Variants in TSC1 observed in about 807,000 individuals in gnomAD.
TSC1 encodes TSC complex subunit 1, also known as hamartin.
Under a neutral mutation model 124.3 loss-of-function variants are expected in TSC1, and 20 were observed. That is an observed-to-expected ratio of 0.16 (90% CI 0.11 to 0.23). The LOEUF (loss-of-function observed/expected upper bound fraction) is 0.23. TSC1 is among the 10% of genes least tolerant of loss of function. TSC1 has a pLI of 1.00. For missense variants in TSC1, 1,124 were observed against 1,448.5 expected (o/e 0.78, Z 3.64); for synonymous variants, 493 against 539.1 (o/e 0.91, Z 1.19).
At position 132,914,009 on chromosome 9, in the gene TSC1, C is replaced by T. The variant is rs947094876; in HGVS notation, c.738-1552G>A. Among the ~76,000 whole-genome samples, 13 of 147,378 alleles carry T rather than the reference C, an allele frequency of 8.8e-5. No individual in the cohort carries two copies. The Admixed American group carries it at 8.9e-4, about 10-fold the overall frequency. ...CACCTTCTGGATTCAAGCAATTCTC[C>T]TGCCTCAGTCTCCCGAGTAGCTGGG... On this transcript the variant is annotated intron_variant, in intron 8 of 22. Transcript: ENST00000298552.
At chr9:132,911,986 C>T (rs986690233) in intron 9 of TSC1, among the ~76,000 whole-genome samples, 2 of 152,198 alleles carry the variant, frequency 1.3e-5, no homozygotes, top group African/African-American at 2.4e-5. Flanking sequence ...GAAAGATTCC[C>T]TTATGAGGTA....
At chr9:132,942,329 G>A (rs979653615) in intron 1 of TSC1, 1 of 152,176 alleles carries the variant, frequency 6.6e-6, no homozygotes, top group Non-Finnish European at 1.5e-5. Flanking sequence ...CAAGGTGTCC[G>A]AATATGTAGG....
Position 132,906,434 on chromosome 9 carries a change from A to G in TSC1, c.1439-295T>C, listed in dbSNP as rs1324751423. The G allele has an allele frequency of 5.6e-6, 3 of 532,096 alleles. No homozygotes were observed. Among genetic ancestry groups the G allele is most frequent in the Admixed American group, 6.3e-5 (2 of 31,898 alleles). 33.0% of individuals were successfully genotyped at this position (532,096 alleles called of 1,614,324 possible). A position where few individuals can be genotyped will look rare whatever the true frequency, so the allele number is the denominator to read the frequency against. On this transcript the variant is annotated intron_variant, in intron 14 of 22. Coordinates refer to ENST00000298552, the MANE Select transcript of TSC1 (RefSeq NM_000368.5). The surrounding 1 kb of genome is among the most constrained non-coding windows in gnomAD (Gnocchi z 4.1). ...CATCGTGGTGTATGCCTGTGGTCCC[A>G]GCTACTCAGGAGGCTGAGGTGGGCG...
chr9:132,901,374 G>GC (rs1845363086), intron 19 of TSC1, among the ~76,000 whole-genome samples: 1 of 152,210 alleles, frequency 6.6e-6, no homozygotes, highest in South Asian at 2.1e-4. Flanking sequence ...CAGCACCCTG[G>GC]CTCCTACCCA....
chr9:132,934,971 C>T (rs760938320), intron 2 of TSC1, 62 bp downstream of exon 2: 47 of 398,826 alleles, frequency 1.2e-4, no homozygotes, highest in Middle Eastern at 6.2e-4. Context: ...CCTGAATGCA[C>T]GACCATGGGC....
At chr9:132,916,879 C>T (rs1001654421) in intron 8 of TSC1, among the ~76,000 whole-genome samples, 1 of 152,162 alleles carries the variant, frequency 6.6e-6, no homozygotes, top group Non-Finnish European at 1.5e-5. Context: ...CGGTCATGAT[C>T]AGGCCCCAGT....
rs1317249774 is a variant in TSC1, at chr9:132,902,523, C to T, written c.2391+82G>A. On this transcript the variant is annotated intron_variant, in intron 18 of 22. Transcript: ENST00000298552. This position sits in a 1 kb window ranked among gnomAD's most constrained non-coding sequence, Gnocchi z 5.2. ...TTAGTAAAGCTGAACAAGTCAAGGA[C>T]ACCCAGGGAAACTGACTGCCTCCCT... is the stretch of plus-strand genomic sequence containing the variant. The T allele has an allele frequency of 7.2e-6, 11 of 1,525,610 alleles. No homozygotes were observed. Among genetic ancestry groups the T allele is most frequent in the Non-Finnish European group, 8.2e-6 (9 of 1,102,272 alleles). The allele number at this position is 1,525,610 out of a possible 1,614,324, so 94.5% of individuals were successfully genotyped here. A position where few individuals can be genotyped will look rare whatever the true frequency, so the allele number is the denominator to read the frequency against.
At position 132,896,700 on chromosome 9, in the gene TSC1, C is replaced by G. The variant is rs118203741; in HGVS notation, c.3030G>C (p.Glu1010Asp). 1 of 1,613,900 alleles carries G rather than the reference C, an allele frequency of 6.2e-7. No homozygotes were observed. The highest frequency in any genetic ancestry group is 2.2e-5 in the East Asian group (1 of 44,888). ...TGGTCTCACCGTTGTGGCCAGATGC[C>G]TCTTCATTGTGCCCTACCATGGAAT... ...CSDSMVGHNE[E>D]ASGHNGETKT... Residue 1010 changes from glutamate (E) to aspartate (D), a missense_variant, in exon 23 of 23, where the codon GAG (glutamate) becomes GAC (aspartate). Transcript: ENST00000298552. The surrounding 1 kb of genome is among the most constrained non-coding windows in gnomAD (Gnocchi z 4.5).
chr9:132,905,520 T>G (rs1845599791), intron 15 of TSC1, 61 bp downstream of exon 15: 2 of 1,608,380 alleles, frequency 1.2e-6, no homozygotes, highest in African/African-American at 2.7e-5. Flanking sequence ...TCTCTTACAC[T>G]TTCTGTACTT....
In TSC1 at chr9:132,895,608, A is replaced by C. The variant is rs1844991143; in HGVS notation, c.*627T>G. ...TGAAACAGGCTTCTGTTTACACAGA[A>C]CTTTCTAGGAAGCTTATCAGAACTG... On this transcript the variant is annotated 3_prime_UTR_variant, in exon 23 of 23. Transcript: ENST00000298552. 1 of 234,826 alleles carries C rather than the reference A, an allele frequency of 4.3e-6. No individual in the cohort carries two copies. Among genetic ancestry groups the C allele is most frequent in the South Asian group, 1.8e-4 (1 of 5,592 alleles). The allele number at this position is 234,826 out of a possible 1,614,324, so 14.5% of individuals were successfully genotyped here. A position where few individuals can be genotyped will look rare whatever the true frequency, so the allele number is the denominator to read the frequency against.
rs968584861 is a variant in TSC1 at position 132,900,513 on chromosome 9, A to T, written c.2625+202T>A. The T allele has an allele frequency of 6.6e-5, 48 of 731,372 alleles. No homozygotes were observed. In the Admixed American group the frequency reaches 1.1e-3, roughly 16 times the overall value. The allele number at this position is 731,372 out of a possible 1,614,324, so 45.3% of individuals were successfully genotyped here. On this transcript the variant is annotated intron_variant, in intron 20 of 22. Coordinates refer to ENST00000298552, the MANE Select transcript of TSC1 (RefSeq NM_000368.5). ...CATTAGGTGCTTTCAGTGTGAGTTAACTTCAAAGCAACCCAATAGGAGAAA... is the reference window on the plus strand; with the variant it reads ...CATTAGGTGCTTTCAGTGTGAGTTATCTTCAAAGCAACCCAATAGGAGAAA...
At chr9:132,913,258 A>G (rs1392086913) in intron 8 of TSC1, among the ~76,000 whole-genome samples, 1 of 152,194 alleles carries the variant, frequency 6.6e-6, no homozygotes, top group Non-Finnish European at 1.5e-5. Context: ...TTTTAAATCA[A>G]CGTGTTAGTA....
At chr9:132,927,130 C>T in intron 4 of TSC1, 71 bp downstream of exon 4, 2 of 1,441,554 alleles carry the variant, frequency 1.4e-6, no homozygotes, top group Non-Finnish European at 1.9e-6. Flanking sequence ...ACAAGTTGCA[C>T]AGTGGCCGTG....
intron 8 of TSC1, among the ~76,000 whole-genome samples, chr9:132,916,374 T>C (rs1328693832): frequency 6.6e-6 from 1 of 152,220 alleles, no homozygotes; most frequent in Admixed American, 6.5e-5. Context: ...TTCTAAAGAA[T>C]ATGCCCTGTG....
At chr9:132,943,194 C>G (rs1847832218) in intron 1 of TSC1, among the ~76,000 whole-genome samples, 1 of 151,006 alleles carries the variant, frequency 6.6e-6, no homozygotes, top group Admixed American at 6.6e-5. Context: ...ATAGCTTACT[C>G]TATGCAACGT....
At chr9:132,935,203 G>A (rs886935497) in intron 1 of TSC1, 108 bp from the exon 2 acceptor site, 3 of 396,450 alleles carry the variant, frequency 7.6e-6, no homozygotes, top group African/African-American at 6.2e-5. Context: ...CCTGACAGGT[G>A]GCCACCACGT....
chr9:132,916,882 G>T (rs1846293511), intron 8 of TSC1, among the ~76,000 whole-genome samples: 1 of 152,162 alleles, frequency 6.6e-6, no homozygotes, highest in Non-Finnish European at 1.5e-5. Flanking sequence ...TCATGATCAG[G>T]CCCCAGTCTC....
intron 1 of TSC1, among the ~76,000 whole-genome samples, chr9:132,940,367 T>C (rs1847671503): frequency 6.6e-6 from 1 of 152,202 alleles, no homozygotes; most frequent in Admixed American, 6.5e-5. Context: ...ATCCCATGTC[T>C]GTATGAATTT....
chr9:132,944,329 TC>T (rs1279575345), intron 1 of TSC1, among the ~76,000 whole-genome samples: 1 of 150,366 alleles, frequency 6.7e-6, no homozygotes, highest in Non-Finnish European at 1.5e-5. Context: ...TCGCCTCTCC[TC>T]CCCAGGGACC....
Sources: gnomAD v4.1 joint callset for allele counts (sites outside exome capture counted in the v4.1 genomes callset) on GRCh38, gnomAD v4.1.1 for gene constraint, Gnocchi (gnomAD v3.1) non-coding constraint, MANE v1.5 for transcripts, NCBI Gene and HGNC (gene_info 2026-07-23, HGNC 2026-07-21) for gene names.